The following RANBP2 variants were observed in gnomAD, a reference collection of about 807,000 sequenced individuals.
The protein encoded by RANBP2 is RAN binding protein 2.
RANBP2 carries 57 observed loss-of-function variants against 303.6 expected under a neutral mutation model. The observed-to-expected ratio is 0.19, with a 90% confidence interval of 0.15 to 0.23. RANBP2 has a LOEUF of 0.23. RANBP2 is among the 10% of genes least tolerant of loss of function. RANBP2 has a pLI of 1.00. For missense variants in RANBP2, 3,138 were observed against 3,780.8 expected (o/e 0.83, Z 4.46); for synonymous variants, 1,167 against 1,301.5 (o/e 0.90, Z 2.23).
the RANBP2 span, among the ~76,000 whole-genome samples, chr2:109,283,310 G>GAGAT: frequency 6.6e-6 from 1 of 152,202 alleles, no homozygotes; most frequent in Non-Finnish European, 1.5e-5. Context: ...TTGTGGGCCT[G>GAGAT]CTGGACACCT....
At chr2:109,145,736 C>G in the RANBP2 span, among the ~76,000 whole-genome samples, 1 of 152,212 alleles carries the variant, frequency 6.6e-6, no homozygotes, top group Non-Finnish European at 1.5e-5. Flanking sequence ...ATCCGTTGAG[C>G]CTCCCCACCC....
the RANBP2 span, among the ~76,000 whole-genome samples, chr2:108,965,198 C>G: frequency 6.6e-6 from 1 of 152,076 alleles, no homozygotes; most frequent in Non-Finnish European, 1.5e-5. Flanking sequence ...AACAAATGGG[C>G]CAGGCGCGGT....
the RANBP2 span, among the ~76,000 whole-genome samples, chr2:109,510,708 C>A: frequency 6.6e-6 from 1 of 152,196 alleles, no homozygotes; most frequent in Non-Finnish European, 1.5e-5. Context: ...CTCCTCCCTG[C>A]CCAGCCTGGG....
At chr2:109,129,807 C>T in the RANBP2 span, 1 of 1,538,250 alleles carries the variant, frequency 6.5e-7, no homozygotes. Context: ...TGTGCTCGCG[C>T]CACGAGCTGC....
chr2:109,323,694 G>A, the RANBP2 span, among the ~76,000 whole-genome samples: 1 of 152,212 alleles, frequency 6.6e-6, no homozygotes, highest in African/African-American at 2.4e-5. Flanking sequence ...GAGGAGATAA[G>A]GTGAAGGTGG....
the RANBP2 span, among the ~76,000 whole-genome samples, chr2:109,383,905 G>T: frequency 6.6e-6 from 1 of 152,064 alleles, no homozygotes; most frequent in Non-Finnish European, 1.5e-5. Flanking sequence ...CTACCACCCC[G>T]CTGAGTCTCC....
the RANBP2 span, among the ~76,000 whole-genome samples, chr2:109,440,063 G>A: frequency 6.6e-6 from 1 of 152,232 alleles, no homozygotes; most frequent in Non-Finnish European, 1.5e-5. Flanking sequence ...GAGGTTCAGA[G>A]CAGAGGAACC....
the RANBP2 span, among the ~76,000 whole-genome samples, chr2:108,954,608 C>T: frequency 1.3e-5 from 2 of 152,150 alleles, no homozygotes; most frequent in Non-Finnish European, 2.9e-5. Context: ...AATTCTGTGT[C>T]TCTGTCTGCT....
chr2:109,294,402 A>G, the RANBP2 span, among the ~76,000 whole-genome samples: 1 of 151,836 alleles, frequency 6.6e-6, no homozygotes, highest in Admixed American at 6.6e-5. Flanking sequence ...CTCTACTAAA[A>G]ATACAAAAAT....
At chr2:109,549,214 G>C in the RANBP2 span, among the ~76,000 whole-genome samples, 3 of 152,218 alleles carry the variant, frequency 2.0e-5, no homozygotes, top group Non-Finnish European at 2.9e-5. Flanking sequence ...GAGAGGAGCA[G>C]GAGTGGGACA....
the RANBP2 span, among the ~76,000 whole-genome samples, chr2:109,229,789 G>A: frequency 1.3e-5 from 2 of 151,306 alleles, no homozygotes; most frequent in Non-Finnish European, 3.0e-5. Context: ...TCCATGTTTT[G>A]GTATGTGTTT....
chr2:109,585,966 T>G, the RANBP2 span: 1 of 644,420 alleles, frequency 1.6e-6, no homozygotes, highest in African/African-American at 1.8e-5. Flanking sequence ...ATACCTCACC[T>G]AAGATACAAG....
intron 25 of RANBP2, among the ~76,000 whole-genome samples, chr2:108,779,177 T>G (rs1297915108): frequency 6.6e-6 from 1 of 152,040 alleles, no homozygotes. Flanking sequence ...TTCTGTCTCT[T>G]TTTTTTGAGA....
chr2:109,195,348 G>T, the RANBP2 span, among the ~76,000 whole-genome samples: 1 of 152,192 alleles, frequency 6.6e-6, no homozygotes, highest in African/African-American at 2.4e-5. Context: ...CAGGACAAGG[G>T]GCAAGTGAGG....
the RANBP2 span, among the ~76,000 whole-genome samples, chr2:109,137,090 C>T: frequency 2.0e-5 from 3 of 152,114 alleles, no homozygotes; most frequent in East Asian, 5.8e-4. Flanking sequence ...ATTTTTTTTC[C>T]ATTTAGTTAG....
At chr2:109,432,690 CA>C in the RANBP2 span, 5 of 1,602,958 alleles carry the variant, frequency 3.1e-6, no homozygotes, top group Non-Finnish European at 3.4e-6. Flanking sequence ...ATGGTGGTGG[CA>C]GCCTGGGCAA....
At chr2:108,829,854 G>T in the RANBP2 span, among the ~76,000 whole-genome samples, 1 of 152,184 alleles carries the variant, frequency 6.6e-6, no homozygotes, top group African/African-American at 2.4e-5. Flanking sequence ...AGCTGCTGTG[G>T]AAGACAGTAT....
the RANBP2 span, chr2:109,545,813 T>G: frequency 7.0e-7 from 1 of 1,425,126 alleles, no homozygotes; most frequent in East Asian, 2.5e-5. Context: ...TTTTATTTTG[T>G]TCATTCATTC....
chr2:109,609,568 A>G, the RANBP2 span, among the ~76,000 whole-genome samples: 2 of 150,420 alleles, frequency 1.3e-5, no homozygotes, highest in Non-Finnish European at 2.9e-5. Flanking sequence ...CACTGCCGAG[A>G]TCGCGCCACT....
Sources: gnomAD v4.1 joint callset for allele counts (sites outside exome capture counted in the v4.1 genomes callset) on GRCh38, gnomAD v4.1.1 for gene constraint, MANE v1.5 for transcripts, NCBI Gene and HGNC (gene_info 2026-07-23, HGNC 2026-07-21) for gene names.